ANK2: variants seen among roughly 807,000 people sequenced by gnomAD.
ANK2 encodes ankyrin-2.
Under a neutral mutation model 360.5 loss-of-function variants are expected in ANK2, and 83 were observed. That is an observed-to-expected ratio of 0.23 (90% CI 0.19 to 0.28). The LOEUF is 0.28. ANK2 is among the 10% of genes least tolerant of loss of function. The probability of loss-of-function intolerance (pLI) is 1.00; values close to 1 mark genes in which losing one functional copy is unlikely to be tolerated. For missense variants in ANK2, 4,201 were observed against 4,795.7 expected, an observed-to-expected ratio of 0.88 and a Z score of 3.66; for synonymous variants, 1,740 against 1,759.5, an observed-to-expected ratio of 0.99 and a Z score of 0.28.
intron 10 of ANK2, among the ~76,000 whole-genome samples, chr4:113,251,871 A>G (rs959574162): frequency 6.6e-6 from 1 of 152,148 alleles, no homozygotes; most frequent in African/African-American, 2.4e-5. Flanking sequence ...AGATATGTAT[A>G]GGGTAATAAA....
chr4:112,983,677 G>GA (rs34272455), intron 2 of ANK2, among the ~76,000 whole-genome samples: 30 of 147,986 alleles, frequency 2.0e-4, no homozygotes, highest in African/African-American at 3.2e-4. Context: ...CTCCGTCTCA[G>GA]AAAAAAAAAA....
intron 14 of ANK2, among the ~76,000 whole-genome samples, chr4:113,267,159 C>A (rs576296821): frequency 6.6e-6 from 1 of 152,334 alleles, no homozygotes; most frequent in East Asian, 1.9e-4. Flanking sequence ...AGCCCTTTGT[C>A]AGATGGATAG....
Position 113,373,149 on chromosome 4 carries a change from G to T in ANK2, c.11670G>T (p.Glu3890Asp). The change falls in exon 44 of 46, where the codon GAG becomes GAT. Residue 3890 changes from glutamate (E) to aspartate (D), a missense_variant. By Grantham distance (45) the Glu-to-Asp change is conservative (BLOSUM62 2). Transcript: ENST00000357077. ...TCACAGAAGAAGAATACATTGATGA[G>T]CATGGACACACCGTGGTAAAGAAGG... ...ETVTEEEYID[E>D]HGHTVVKKVT... is the part of the protein sequence containing the mutation. 1 of 1,614,110 alleles carries T rather than the reference G, an allele frequency of 6.2e-7. No homozygotes were observed. The highest frequency in any genetic ancestry group is 8.5e-7 in the Non-Finnish European group (1 of 1,179,958).
At chr4:113,209,193 G>A (rs1163808195) in intron 4 of ANK2, among the ~76,000 whole-genome samples, 1 of 151,934 alleles carries the variant, frequency 6.6e-6, no homozygotes, top group Non-Finnish European at 1.5e-5. Context: ...GTTATGGGAG[G>A]GGGAGAAGGC....
In ANK2 at chr4:113,199,112, A is replaced by G; in HGVS notation, c.384+3A>G. Reference sequence around the variant, plus strand: ...CCAATATTAATGCACAGTCTCAGGTATTCCATTCAGATTTTCCCTGATGTA... The same window carrying G: ...CCAATATTAATGCACAGTCTCAGGTGTTCCATTCAGATTTTCCCTGATGTA... On this transcript the variant is annotated splice_donor_region_variant and intron_variant, in intron 4 of 45. Coordinates refer to ENST00000357077, the MANE Select transcript of ANK2 (RefSeq NM_001148.6). The G allele has an allele frequency of 6.2e-7, 1 of 1,601,574 alleles. No individual in the cohort carries two copies. Among genetic ancestry groups the G allele is most frequent in the Non-Finnish European group, 8.6e-7 (1 of 1,168,834 alleles).
intron 2 of ANK2, among the ~76,000 whole-genome samples, chr4:112,964,118 G>T (rs2036100881): frequency 6.9e-6 from 1 of 144,322 alleles, no homozygotes; most frequent in African/African-American, 2.6e-5. Flanking sequence ...GTACATAGGT[G>T]GTGTGTACAT....
At chr4:112,975,057 C>T (rs893935389) in intron 2 of ANK2, among the ~76,000 whole-genome samples, 2 of 152,202 alleles carry the variant, frequency 1.3e-5, no homozygotes, top group Admixed American at 1.3e-4. Context: ...GTTACCCACT[C>T]TCAGCCCAGT....
At chr4:112,826,079 T>A (rs991047616) in intron 1 of ANK2, among the ~76,000 whole-genome samples, 1 of 152,198 alleles carries the variant, frequency 6.6e-6, no homozygotes, top group African/African-American at 2.4e-5. Context: ...GGGTAGCAGG[T>A]CCTGAATCCC....
chr4:112,843,685 TTCTC>T (rs1410216143), intron 1 of ANK2, among the ~76,000 whole-genome samples: 1 of 152,206 alleles, frequency 6.6e-6, no homozygotes, highest in Admixed American at 6.5e-5. Flanking sequence ...TTTTTTCTTT[TTCTC>T]TCTTTTTTAG....
At chr4:113,114,030 G>A (rs1408878045) in intron 1 of ANK2, among the ~76,000 whole-genome samples, 1 of 152,142 alleles carries the variant, frequency 6.6e-6, no homozygotes, top group East Asian at 1.9e-4. Context: ...GGAGCAATCT[G>A]TTCCTTAATT....
chr4:113,075,799 T>C (rs539993526), intron 1 of ANK2, among the ~76,000 whole-genome samples: 2 of 152,322 alleles, frequency 1.3e-5, no homozygotes, highest in African/African-American at 4.8e-5. Flanking sequence ...TATTAAAACA[T>C]TCCTTTTCCC....
intron 1 of ANK2, among the ~76,000 whole-genome samples, chr4:112,870,810 C>G (rs2072710142): frequency 6.6e-6 from 1 of 152,154 alleles, no homozygotes; most frequent in East Asian, 1.9e-4. Context: ...TAAGGATCAG[C>G]TTGTCCATTT....
At chr4:112,785,071 C>T in the ANK2 span, among the ~76,000 whole-genome samples, 3 of 152,176 alleles carry the variant, frequency 2.0e-5, no homozygotes, top group Admixed American at 1.3e-4. Flanking sequence ...TAGCAAGTCA[C>T]TTTAATGCAG....
At chr4:112,731,402 C>T in the ANK2 span, among the ~76,000 whole-genome samples, 1 of 151,702 alleles carries the variant, frequency 6.6e-6, no homozygotes, top group Non-Finnish European at 1.5e-5. Flanking sequence ...TGTTTTACAG[C>T]ATAAATATGT....
At chr4:112,706,312 G>C in the ANK2 span, among the ~76,000 whole-genome samples, 11 of 152,266 alleles carry the variant, frequency 7.2e-5, no homozygotes, top group African/African-American at 2.6e-4. Context: ...GGCTCCCCTA[G>C]GAGCGGGGCC....
At chr4:112,882,895 T>C (rs529833923) in intron 1 of ANK2, among the ~76,000 whole-genome samples, 12 of 152,048 alleles carry the variant, frequency 7.9e-5, no homozygotes, top group East Asian at 7.7e-4. Flanking sequence ...ACAAAATACA[T>C]TGGAGTGCAC....
Position 113,358,473 on chromosome 4 carries a change from C to T in ANK2, c.9855C>T (p.Ile3285=), listed in dbSNP as rs746767166. ...DSSPEEQKSV[I]EIPTAPMENV... ...CCCCAGAAGAACAGAAATCAGTAAT[C>T]GAGATTCCTACTGCACCCATGGAGA... The change falls in exon 38 of 46, where the codon ATC becomes ATT. Residue 3285 remains isoleucine (I), a synonymous_variant. Coordinates refer to ENST00000357077, the MANE Select transcript of ANK2 (RefSeq NM_001148.6). 6 of 1,613,928 alleles carry T rather than the reference C, an allele frequency of 3.7e-6. No individual in the cohort carries two copies. Among genetic ancestry groups the T allele is most frequent in the Non-Finnish European group, 5.1e-6 (6 of 1,179,966 alleles).
intron 23 of ANK2, among the ~76,000 whole-genome samples, chr4:113,305,014 G>T (rs1451599335): frequency 6.6e-6 from 1 of 152,102 alleles, no homozygotes; most frequent in Admixed American, 6.6e-5. Context: ...TACATTTAAA[G>T]TATTTAATAT....
chr4:113,021,473 A>G (rs1045933607), intron 2 of ANK2, among the ~76,000 whole-genome samples: 3 of 148,236 alleles, frequency 2.0e-5, no homozygotes, highest in East Asian at 2.0e-4. Context: ...TTCCATATAT[A>G]TAAGTACGTA....
Sources: allele counts gnomAD v4.1 joint callset (sites outside exome capture counted in the v4.1 genomes callset), GRCh38; gene constraint gnomAD v4.1.1; transcripts MANE v1.5; gene names NCBI Gene and HGNC (gene_info 2026-07-23, HGNC 2026-07-21).